Variants in PPM1E observed in about 807,000 individuals in gnomAD.
PPM1E encodes the protein protein phosphatase, Mg2+/Mn2+ dependent 1E.
Under a neutral mutation model 65.9 loss-of-function variants are expected in PPM1E, and 20 were observed. That is an observed-to-expected ratio of 0.30 (90% CI 0.21 to 0.44). The LOEUF is 0.44. Among genes scored for constraint, PPM1E ranks in the 20% least tolerant of loss-of-function variants. The pLI is 1.00. For synonymous variants in PPM1E, 352 were observed against 374.9 expected, an observed-to-expected ratio of 0.94 and a Z score of 0.70; for missense variants, 713 against 953.1, an observed-to-expected ratio of 0.75 and a Z score of 3.32.
At chr17:58,810,413 G>T (rs1163062069) in intron 1 of PPM1E, among the ~76,000 whole-genome samples, 2 of 151,966 alleles carry the variant, frequency 1.3e-5, no homozygotes, top group Non-Finnish European at 2.9e-5. Flanking sequence ...CACCATGTTG[G>T]TCAGGATGGT....
At chr17:58,783,375 A>G (rs2050067511) in intron 1 of PPM1E, among the ~76,000 whole-genome samples, 3 of 152,258 alleles carry the variant, frequency 2.0e-5, no homozygotes, top group African/African-American at 7.2e-5. Context: ...AGCATTTATG[A>G]CAAAGGGAAT....
At chr17:58,825,075 T>C (rs796977838) in intron 1 of PPM1E, among the ~76,000 whole-genome samples, 6 of 152,052 alleles carry the variant, frequency 3.9e-5, no homozygotes, top group African/African-American at 1.4e-4. Context: ...GAGCAGTGTA[T>C]ACTGCTCGGG....
chr17:58,770,313 G>C (rs2144169406), intron 1 of PPM1E, among the ~76,000 whole-genome samples: 1 of 152,132 alleles, frequency 6.6e-6, no homozygotes, highest in South Asian at 2.1e-4. Context: ...GACTATCAAG[G>C]AAAAGAGGTG....
chr17:58,772,571 A>G (rs913116073), intron 1 of PPM1E, among the ~76,000 whole-genome samples: 2 of 152,214 alleles, frequency 1.3e-5, no homozygotes, highest in African/African-American at 4.8e-5. Context: ...AGAAGACTCA[A>G]TAAGAATTAG....
At chr17:58,810,444 A>T (rs1035569905) in intron 1 of PPM1E, among the ~76,000 whole-genome samples, 2 of 152,122 alleles carry the variant, frequency 1.3e-5, no homozygotes, top group Non-Finnish European at 2.9e-5. Flanking sequence ...TGACCTTGTG[A>T]TCCACCTGCC....
Position 58,982,887 on chromosome 17 carries a change from C to T in PPM1E, c.*1856C>T, listed in dbSNP as rs1372788576. On this transcript the variant is annotated 3_prime_UTR_variant, in exon 7 of 7. Transcript: ENST00000308249. Reference sequence around the variant, plus strand: ...CTTCTGAAGCCTAGATCTTGTTAACCCATCAGGTGCAGTGTCAGTTTCAAA... The same window carrying T: ...CTTCTGAAGCCTAGATCTTGTTAACTCATCAGGTGCAGTGTCAGTTTCAAA... The T allele has an allele frequency of 3.8e-6, 6 of 1,569,308 alleles. No individual in the cohort carries two copies. Among genetic ancestry groups the T allele is most frequent in the Admixed American group, 1.9e-5 (1 of 53,640 alleles).
chr17:58,799,784 T>C (rs1370891564), intron 1 of PPM1E, among the ~76,000 whole-genome samples: 1 of 152,172 alleles, frequency 6.6e-6, no homozygotes. Context: ...TTCACCATGT[T>C]GTTCAGGCTG....
At chr17:58,902,388 C>T (rs993152664) in intron 1 of PPM1E, among the ~76,000 whole-genome samples, 1 of 151,822 alleles carries the variant, frequency 6.6e-6, no homozygotes, top group African/African-American at 2.4e-5. Flanking sequence ...GTAAGTTCTT[C>T]AGCTAAACCA....
At chr17:58,868,706 G>C (rs926057485) in intron 1 of PPM1E, among the ~76,000 whole-genome samples, 1 of 151,608 alleles carries the variant, frequency 6.6e-6, no homozygotes, top group African/African-American at 2.4e-5. Flanking sequence ...TTTCTTCCCT[G>C]TTTAACTTCT....
chr17:58,845,313 T>TTC (rs1028343227), intron 1 of PPM1E, among the ~76,000 whole-genome samples: 2 of 151,648 alleles, frequency 1.3e-5, no homozygotes, highest in African/African-American at 4.8e-5. Context: ...TTTTTTTTTT[T>TTC]CAGTTTCTTT....
chr17:58,768,378 C>T (rs777279572), intron 1 of PPM1E, among the ~76,000 whole-genome samples: 2 of 152,134 alleles, frequency 1.3e-5, no homozygotes, highest in Admixed American at 1.3e-4. Context: ...CCTTGCCTGG[C>T]CCTTACCCTG....
intron 1 of PPM1E, among the ~76,000 whole-genome samples, chr17:58,831,453 T>C (rs2050605527): frequency 6.6e-6 from 1 of 152,238 alleles, no homozygotes; most frequent in Admixed American, 6.5e-5. Context: ...AGTATATACC[T>C]TGTGTCTTTG....
chr17:58,963,154 G>A (rs1038759081), intron 2 of PPM1E, among the ~76,000 whole-genome samples: 24 of 152,070 alleles, frequency 1.6e-4, no homozygotes, highest in Non-Finnish European at 3.1e-4. Flanking sequence ...GGAGGCCGAG[G>A]TGGGTGGATC....
chr17:58,880,185 A>G (rs1337116583), intron 1 of PPM1E, among the ~76,000 whole-genome samples: 1 of 152,228 alleles, frequency 6.6e-6, no homozygotes, highest in East Asian at 1.9e-4. Context: ...CCTTGAGGAT[A>G]AGGATGTTTT....
chr17:58,823,822 C>T (rs886144131), intron 1 of PPM1E, among the ~76,000 whole-genome samples: 15 of 152,074 alleles, frequency 9.9e-5, no homozygotes, highest in Non-Finnish European at 2.1e-4. Flanking sequence ...GCTCTGCCTC[C>T]CAGGTTCACA....
intron 1 of PPM1E, among the ~76,000 whole-genome samples, chr17:58,914,808 A>G (rs1273777489): frequency 6.6e-6 from 1 of 152,160 alleles, no homozygotes; most frequent in Non-Finnish European, 1.5e-5. Context: ...CATAGACTAA[A>G]CTCATTAAAA....
At chr17:58,789,653 C>T (rs1744547791) in intron 1 of PPM1E, among the ~76,000 whole-genome samples, 1 of 152,082 alleles carries the variant, frequency 6.6e-6, no homozygotes, top group South Asian at 2.1e-4. Context: ...GCTATTTGAA[C>T]AAAAGGCATC....
intron 1 of PPM1E, among the ~76,000 whole-genome samples, chr17:58,923,528 C>T (rs2051781713): frequency 6.6e-6 from 1 of 150,818 alleles, no homozygotes; most frequent in African/African-American, 2.4e-5. Flanking sequence ...GACAGATCAC[C>T]TAAGGTCAGG....
At chr17:58,831,750 ATGT>A (rs1323718267) in intron 1 of PPM1E, among the ~76,000 whole-genome samples, 2 of 152,144 alleles carry the variant, frequency 1.3e-5, no homozygotes, top group African/African-American at 2.4e-5. Flanking sequence ...CTGTTCTGGT[ATGT>A]TAAGGTTGCT....
Sources: gnomAD v4.1 joint callset for allele counts (sites outside exome capture counted in the v4.1 genomes callset) on GRCh38, gnomAD v4.1.1 for gene constraint, MANE v1.5 for transcripts, NCBI Gene and HGNC (gene_info 2026-07-23, HGNC 2026-07-21) for gene names.